HDAC9: variants seen among roughly 807,000 people sequenced by gnomAD.
HDAC9 encodes the protein histone deacetylase 9.
In HDAC9, 41 loss-of-function variants were observed where a neutral mutation model predicts 139.4. The ratio of observed to expected loss-of-function variants is 0.29; its 90% confidence interval spans 0.23 to 0.38. The LOEUF is 0.38. Ranked by LOEUF, HDAC9 falls within the 10% of genes least tolerant of loss-of-function variation. The pLI is 1.00. For missense variants in HDAC9, 1,147 were observed against 1,297.0 expected (o/e 0.88, Z 1.78); for synonymous variants, 517 against 476.2 (o/e 1.09, Z -1.12).
At chr7:18,090,483 T>C (rs1782074506) in intron 1 of HDAC9, among the ~76,000 whole-genome samples, 1 of 152,210 alleles carries the variant, frequency 6.6e-6, no homozygotes. Context: ...AATCAATCCA[T>C]AGTCCACATA....
At chr7:18,154,590 G>A (rs1327055495) in intron 1 of HDAC9, among the ~76,000 whole-genome samples, 3 of 152,274 alleles carry the variant, frequency 2.0e-5, no homozygotes, top group South Asian at 4.1e-4. Flanking sequence ...TCATGTTTAA[G>A]CAACTGAGGC....
chr7:18,263,948 A>G (rs561372238), intron 2 of HDAC9, among the ~76,000 whole-genome samples: 5 of 152,298 alleles, frequency 3.3e-5, no homozygotes, highest in Non-Finnish European at 7.4e-5. Context: ...AAAGGACAAT[A>G]ATTTTACTAC....
intron 6 of HDAC9, among the ~76,000 whole-genome samples, chr7:18,598,304 T>C (rs1164741436): frequency 6.6e-6 from 1 of 152,224 alleles, no homozygotes. Context: ...CATTTTTATA[T>C]AGCTTAGTAC....
chr7:18,716,709 A>G (rs1219603411), intron 12 of HDAC9, among the ~76,000 whole-genome samples: 1 of 152,202 alleles, frequency 6.6e-6, no homozygotes, highest in Non-Finnish European at 1.5e-5. Flanking sequence ...AAATAGGTGC[A>G]GCTTCACATA....
At chr7:18,251,241 C>G (rs1328701994) in intron 2 of HDAC9, among the ~76,000 whole-genome samples, 2 of 151,982 alleles carry the variant, frequency 1.3e-5, no homozygotes. Flanking sequence ...TTATTCTCAG[C>G]AAACTAATGC....
At chr7:18,361,033 T>C (rs1212850273) in intron 1 of HDAC9, among the ~76,000 whole-genome samples, 1 of 152,190 alleles carries the variant, frequency 6.6e-6, no homozygotes, top group Non-Finnish European at 1.5e-5. Context: ...AAGAGCCTAG[T>C]TTCAGAATGG....
chr7:18,905,886 TTC>T (rs1802196026), intron 22 of HDAC9, among the ~76,000 whole-genome samples: 1 of 151,956 alleles, frequency 6.6e-6, no homozygotes, highest in African/African-American at 2.4e-5. Flanking sequence ...TTTTCCTTCT[TTC>T]CTTTCTTTTC....
At chr7:18,709,947 TCTC>T (rs1360233589) in intron 12 of HDAC9, among the ~76,000 whole-genome samples, 1 of 152,212 alleles carries the variant, frequency 6.6e-6, no homozygotes, top group African/African-American at 2.4e-5. Context: ...ATTAGTTTGT[TCTC>T]ATGCTGCTGA....
intron 12 of HDAC9, among the ~76,000 whole-genome samples, chr7:18,710,720 T>C (rs1245883150): frequency 6.6e-6 from 1 of 152,182 alleles, no homozygotes; most frequent in Non-Finnish European, 1.5e-5. Flanking sequence ...CTTGATGAGC[T>C]AAGCAAAGTG....
intron 12 of HDAC9, among the ~76,000 whole-genome samples, chr7:18,694,731 T>C (rs1562858605): frequency 6.6e-6 from 1 of 152,122 alleles, no homozygotes; most frequent in Non-Finnish European, 1.5e-5. Context: ...TCTGCCCTGA[T>C]TGACTCCCTT....
At chr7:18,858,515 CA>C (rs1797859992) in intron 21 of HDAC9, among the ~76,000 whole-genome samples, 1 of 152,130 alleles carries the variant, frequency 6.6e-6, no homozygotes, top group Non-Finnish European at 1.5e-5. Context: ...TAGTCCCTCC[CA>C]TGACATGTGG....
chr7:18,697,235 C>G (rs764818880), intron 12 of HDAC9, among the ~76,000 whole-genome samples: 1 of 152,060 alleles, frequency 6.6e-6, no homozygotes, highest in African/African-American at 2.4e-5. Flanking sequence ...CTCATCATGA[C>G]GAGGCCCAGC....
chr7:18,851,715 A>T (rs1007501520), intron 21 of HDAC9, among the ~76,000 whole-genome samples: 1 of 152,350 alleles, frequency 6.6e-6, no homozygotes, highest in Admixed American at 6.5e-5. Context: ...GTTAGTTAGT[A>T]TAGTGATTTA....
intron 2 of HDAC9, among the ~76,000 whole-genome samples, chr7:18,177,788 C>T (rs1351192062): frequency 6.6e-6 from 1 of 152,026 alleles, no homozygotes; most frequent in Non-Finnish European, 1.5e-5. Context: ...TGGTTGCTCT[C>T]TTAGTTAAGT....
intron 2 of HDAC9, among the ~76,000 whole-genome samples, chr7:18,211,842 A>G (rs1185499793): frequency 6.6e-6 from 1 of 152,156 alleles, no homozygotes; most frequent in Non-Finnish European, 1.5e-5. Flanking sequence ...TTAGCTGAGA[A>G]GGAAGGGTAA....
chr7:18,868,767 T>C (rs1243903722), intron 21 of HDAC9, among the ~76,000 whole-genome samples: 1 of 152,144 alleles, frequency 6.6e-6, no homozygotes, highest in Non-Finnish European at 1.5e-5. Flanking sequence ...TCCTTTCACC[T>C]GTCCCAAGGC....
At chr7:18,593,837 A>G in intron 5 of HDAC9, 71 bp from the exon 6 acceptor site, 1 of 1,523,722 alleles carries the variant, frequency 6.6e-7, no homozygotes, top group Non-Finnish European at 9.1e-7. Flanking sequence ...CAGCGTGTGC[A>G]GCTGATTATT....
chr7:18,504,806 G>A (rs1391425658), intron 2 of HDAC9, among the ~76,000 whole-genome samples: 2 of 152,218 alleles, frequency 1.3e-5, no homozygotes, highest in Admixed American at 6.5e-5. Context: ...TATATTCAGA[G>A]AGATAAGAAA....
chr7:18,910,110 A>G lies in HDAC9; in HGVS notation c.2804-25699A>G, dbSNP rs560078463. ...TCTCTCTCTTTACATCTTTACATTA[A>G]CTTGATAGGGATTGCATTTAATCTG... On this transcript the variant is annotated intron_variant, in intron 22 of 25. Transcript: ENST00000686413. 5.3e-4 allele frequency among the ~76,000 whole-genome samples: 81 copies of G among 151,872 alleles called. 2 individuals carry two copies. The South Asian group carries it at 0.016, about 31-fold the overall frequency.
Sources: allele counts gnomAD v4.1 joint callset (sites outside exome capture counted in the v4.1 genomes callset), GRCh38; gene constraint gnomAD v4.1.1; transcripts MANE v1.5; gene names NCBI Gene and HGNC (gene_info 2026-07-23, HGNC 2026-07-21).